Variants in TMC1 observed in about 807,000 individuals in gnomAD.
TMC1 encodes transmembrane channel-like protein 1.
In TMC1, 84 loss-of-function variants were observed where a neutral mutation model predicts 105.8. The observed-to-expected ratio is 0.79, with a 90% CI of 0.67 to 0.95. TMC1 has a LOEUF of 0.95. Ranked by LOEUF, TMC1 falls within the 40% of genes least tolerant of loss-of-function variation. The pLI, the probability that TMC1 is intolerant of heterozygous loss-of-function variation, is 0.00. For missense variants in TMC1, 817 were observed against 914.1 expected, an observed-to-expected ratio of 0.89 and a Z score of 1.37; for synonymous variants, 315 against 311.5, an observed-to-expected ratio of 1.01 and a Z score of -0.12.
intron 1 of TMC1, among the ~76,000 whole-genome samples, chr9:72,573,166 C>T (rs572723783): frequency 6.6e-6 from 1 of 152,240 alleles, no homozygotes; most frequent in South Asian, 2.1e-4. Context: ...ACTTTGACCA[C>T]ATGATATGTG....
chr9:72,698,313 T>C (rs1032567254), intron 7 of TMC1, among the ~76,000 whole-genome samples: 7 of 152,212 alleles, frequency 4.6e-5, no homozygotes, highest in Non-Finnish European at 7.4e-5. Flanking sequence ...AATTTTTGTT[T>C]CAGTAATCAT....
At chr9:72,552,141 A>G (rs1420667453) in intron 1 of TMC1, among the ~76,000 whole-genome samples, 1 of 152,166 alleles carries the variant, frequency 6.6e-6, no homozygotes, top group East Asian at 1.9e-4. Context: ...CACACTGGTG[A>G]GGAAGGGTCC....
At chr9:72,556,368 C>T (rs1297458318) in intron 1 of TMC1, among the ~76,000 whole-genome samples, 3 of 151,164 alleles carry the variant, frequency 2.0e-5, no homozygotes, top group Admixed American at 6.6e-5. Context: ...CCACCTTCCT[C>T]GGCTGCCCAA....
At chr9:72,578,240 A>T (rs1424467014) in intron 2 of TMC1, 1 of 146,052 alleles carries the variant, frequency 6.8e-6, no homozygotes, top group Non-Finnish European at 1.5e-5. Context: ...ACTTGTTTCC[A>T]CCCTCCTTTG....
Position 72,826,868 on chromosome 9 carries a change from G to A in TMC1, c.2004-1G>A. 6.2e-7 allele frequency: 1 copy of A among 1,613,842 alleles called. No homozygotes were observed. Among genetic ancestry groups the A allele is most frequent in the South Asian group, 1.1e-5 (1 of 91,074 alleles). ...TATCTCCCCCTTTTTAATTCCCCCA[G>A]TGGCAAAAATAGAATGTTTGAAGTC... On this transcript the variant is annotated splice_acceptor_variant, in intron 20 of 23. Transcript: ENST00000297784. LOFTEE classifies it high-confidence loss of function.
chr9:72,741,451 A>G, intron 9 of TMC1: 1 of 346,396 alleles, frequency 2.9e-6, no homozygotes, highest in Non-Finnish European at 5.5e-6. Context: ...TACCCAGACA[A>G]AGCACATCCA....
intron 2 of TMC1, among the ~76,000 whole-genome samples, chr9:72,591,041 C>T (rs1379319875): frequency 6.6e-6 from 1 of 152,120 alleles, no homozygotes; most frequent in African/African-American, 2.4e-5. Flanking sequence ...AACAGTGGTG[C>T]AAGACTCTAA....
At chr9:72,800,644 CTT>C (rs796171527) in intron 17 of TMC1, among the ~76,000 whole-genome samples, 5 of 142,878 alleles carry the variant, frequency 3.5e-5, no homozygotes, top group Non-Finnish European at 4.7e-5. Flanking sequence ...TGCTGCTTGT[CTT>C]TTTTTTTTTT....
intron 11 of TMC1, 92 bp downstream of exon 11, chr9:72,752,048 G>C (rs555485816): frequency 4.4e-6 from 4 of 906,036 alleles, no homozygotes; most frequent in South Asian, 1.3e-5. Context: ...TAATTAACTG[G>C]CTATTTTCAC....
Position 72,694,572 on chromosome 9 carries a change from C to T in TMC1, c.94C>T (p.Leu32=), listed in dbSNP as rs1826518222. Residue 32 remains leucine, a synonymous_variant, in exon 7 of 24, where the codon CTA becomes TTA. Transcript: ENST00000297784. ...SEEEEEVEDK[L]PRRESLRPKR... ...AGAGGAAGAGGAGGTGGAAGATAAGCTACCTCGAAGAGAGAGCTTGAGACC... is the reference window on the plus strand; with the variant it reads ...AGAGGAAGAGGAGGTGGAAGATAAGTTACCTCGAAGAGAGAGCTTGAGACC... The T allele has an allele frequency of 3.7e-6, 6 of 1,612,808 alleles. No homozygotes were observed. The highest frequency in any genetic ancestry group is 5.1e-6 in the Non-Finnish European group (6 of 1,179,334).
At chr9:72,759,495 A>G (rs1396260273) in intron 12 of TMC1, among the ~76,000 whole-genome samples, 1 of 152,194 alleles carries the variant, frequency 6.6e-6, no homozygotes, top group Non-Finnish European at 1.5e-5. Flanking sequence ...TAAGGTAGAT[A>G]TGACTATTCC....
At chr9:72,570,025 T>C (rs1178531947) in intron 1 of TMC1, among the ~76,000 whole-genome samples, 2 of 152,158 alleles carry the variant, frequency 1.3e-5, no homozygotes, top group Non-Finnish European at 2.9e-5. Context: ...AACATTCATC[T>C]TGACAGAGAA....
intron 6 of TMC1, among the ~76,000 whole-genome samples, chr9:72,689,750 T>C (rs1226050915): frequency 6.6e-6 from 1 of 152,164 alleles, no homozygotes; most frequent in East Asian, 1.9e-4. Flanking sequence ...CCGATGTAAG[T>C]ATAGCCACCC....
In TMC1 at chr9:72,802,251, A is replaced by G. The variant is rs542809794; in HGVS notation, c.1567-3131A>G. 2.0e-4 allele frequency among the ~76,000 whole-genome samples: 29 copies of G among 145,722 alleles called. 1 individual carries two copies. The highest frequency in any genetic ancestry group is 7.6e-4 in the African/African-American group (29 of 37,970). On this transcript the variant is annotated intron_variant, in intron 17 of 23. Coordinates refer to ENST00000297784, the MANE Select transcript of TMC1 (RefSeq NM_138691.3). Reference sequence around the variant, plus strand: ...TCTACATACATACATACATACATACATATATACATACATACATACATACAT... The same window carrying G: ...TCTACATACATACATACATACATACGTATATACATACATACATACATACAT...
intron 8 of TMC1, among the ~76,000 whole-genome samples, chr9:72,723,798 CGT>C (rs553657094): frequency 2.2e-3 from 330 of 152,218 alleles, no homozygotes; most frequent in Admixed American, 5.7e-3. Context: ...TTGTCTGTTT[CGT>C]GATTTGTTTA....
chr9:72,682,392 T>C (rs1229288598), intron 5 of TMC1, among the ~76,000 whole-genome samples: 1 of 152,218 alleles, frequency 6.6e-6, no homozygotes, highest in Non-Finnish European at 1.5e-5. Flanking sequence ...TTTTTAAATG[T>C]CTTATAGCTT....
At chr9:72,545,435 A>C (rs983851909) in intron 1 of TMC1, among the ~76,000 whole-genome samples, 31 of 152,142 alleles carry the variant, frequency 2.0e-4, no homozygotes, top group Admixed American at 1.8e-3. Flanking sequence ...CAATGATTTC[A>C]TTAAAACTGA....
At chr9:72,803,277 C>T (rs1210618839) in intron 17 of TMC1, among the ~76,000 whole-genome samples, 1 of 152,044 alleles carries the variant, frequency 6.6e-6, no homozygotes, top group Non-Finnish European at 1.5e-5. Flanking sequence ...ACTATAAAAA[C>T]CATAGAAGAA....
In TMC1 at chr9:72,751,836, T is replaced by G; in HGVS notation, c.536-14T>G. On this transcript the variant is annotated splice_polypyrimidine_tract_variant and intron_variant, in intron 10 of 23. Coordinates refer to ENST00000297784, the MANE Select transcript of TMC1 (RefSeq NM_138691.3). ...TTTGATCTCTCTTCAAACTTTTTATTTTCTTTGTAATAGGTCAGTTTGGCT... is the reference window on the plus strand; with the variant it reads ...TTTGATCTCTCTTCAAACTTTTTATGTTCTTTGTAATAGGTCAGTTTGGCT... 1 of 1,566,572 alleles carries G rather than the reference T, an allele frequency of 6.4e-7. No homozygotes were observed. Among genetic ancestry groups the G allele is most frequent in the Non-Finnish European group, 8.8e-7 (1 of 1,137,206 alleles).
Sources: allele counts gnomAD v4.1 joint callset (sites outside exome capture counted in the v4.1 genomes callset), GRCh38; gene constraint gnomAD v4.1.1; transcripts MANE v1.5; gene names NCBI Gene and HGNC (gene_info 2026-07-23, HGNC 2026-07-21).